CSMD1: variants seen among roughly 807,000 people sequenced by gnomAD.
CSMD1 encodes CUB and Sushi multiple domains 1, also known as CUB and sushi domain-containing protein 1.
A neutral mutation model predicts 417.5 loss-of-function variants in CSMD1; 213 were observed. The observed-to-expected ratio is 0.51, with a 90% CI of 0.46 to 0.57. CSMD1 has a LOEUF of 0.57. Among genes scored for constraint, CSMD1 ranks in the 20% least tolerant of loss-of-function variants. CSMD1 has a pLI of 0.00. For missense variants in CSMD1, 6,923 were observed against 4,529.7 expected, an observed-to-expected ratio of 1.53 and a Z score of -15.17; for synonymous variants, 2,862 against 1,736.8, an observed-to-expected ratio of 1.65 and a Z score of -16.11.
chr8:3,825,285 T>C (rs1801988979), intron 5 of CSMD1, among the ~76,000 whole-genome samples: 1 of 152,112 alleles, frequency 6.6e-6, no homozygotes, highest in African/African-American at 2.4e-5. Context: ...ATCTCAGCAC[T>C]TTGGGAGACC....
At chr8:4,173,348 G>C (rs1223428983) in intron 3 of CSMD1, among the ~76,000 whole-genome samples, 7 of 152,234 alleles carry the variant, frequency 4.6e-5, no homozygotes, top group East Asian at 3.9e-4. Flanking sequence ...CAGATATTCA[G>C]TATGTGGTGA....
chr8:3,817,875 C>A (rs1278531067), intron 5 of CSMD1, among the ~76,000 whole-genome samples: 2 of 152,182 alleles, frequency 1.3e-5, no homozygotes, highest in Non-Finnish European at 2.9e-5. Context: ...CGGCTTCACA[C>A]TAAGGACATT....
chr8:4,667,620 A>G (rs913035517), intron 1 of CSMD1, among the ~76,000 whole-genome samples: 11 of 152,120 alleles, frequency 7.2e-5, no homozygotes, highest in African/African-American at 2.4e-4. Context: ...TTGGAACGCT[A>G]TTGCATATGG....
intron 2 of CSMD1, among the ~76,000 whole-genome samples, chr8:4,494,075 G>A (rs1312538002): frequency 6.6e-6 from 1 of 152,134 alleles, no homozygotes; most frequent in Non-Finnish European, 1.5e-5. Context: ...CCTATCTAGT[G>A]GACAACACAA....
chr8:2,986,911 CA>C (rs1453515674), intron 54 of CSMD1, among the ~76,000 whole-genome samples: 3 of 149,522 alleles, frequency 2.0e-5, no homozygotes, highest in Non-Finnish European at 4.4e-5. Flanking sequence ...ACAGCAATAG[CA>C]AAAACCGCAA....
At chr8:3,544,142 G>T (rs748685814) in intron 10 of CSMD1, among the ~76,000 whole-genome samples, 3 of 152,076 alleles carry the variant, frequency 2.0e-5, no homozygotes, top group East Asian at 3.9e-4. Flanking sequence ...GGACGTGCTG[G>T]GCTGCATCCC....
At chr8:4,117,032 G>C (rs967745943) in intron 3 of CSMD1, among the ~76,000 whole-genome samples, 1 of 151,062 alleles carries the variant, frequency 6.6e-6, no homozygotes, top group East Asian at 1.9e-4. Context: ...TTTTCTTTTC[G>C]CAGTTTGGAA....
chr8:4,046,411 T>A (rs73183969), intron 3 of CSMD1, among the ~76,000 whole-genome samples: 235 of 152,326 alleles, frequency 1.5e-3, no homozygotes, highest in Middle Eastern at 6.8e-3. Flanking sequence ...ATTTTCATAT[T>A]CATTCAAACC....
intron 7 of CSMD1, among the ~76,000 whole-genome samples, chr8:3,681,711 A>C (rs2117610048): frequency 6.6e-6 from 1 of 152,278 alleles, no homozygotes; most frequent in East Asian, 1.9e-4. Flanking sequence ...ATGTGGAACC[A>C]AAAAAGAGCC....
At chr8:3,659,553 C>T (rs994337647) in intron 7 of CSMD1, among the ~76,000 whole-genome samples, 5 of 152,080 alleles carry the variant, frequency 3.3e-5, no homozygotes, top group South Asian at 2.1e-4. Flanking sequence ...TTCTTTTTTT[C>T]GGGGGGTTAT....
At chr8:3,798,903 A>G (rs998932359) in intron 5 of CSMD1, among the ~76,000 whole-genome samples, 9 of 152,058 alleles carry the variant, frequency 5.9e-5, no homozygotes, top group African/African-American at 1.9e-4. Flanking sequence ...TAGGTGCAAA[A>G]GAAGAAATGT....
intron 4 of CSMD1, among the ~76,000 whole-genome samples, chr8:4,021,050 G>A (rs951289865): frequency 2.6e-5 from 4 of 152,174 alleles, no homozygotes; most frequent in Admixed American, 2.0e-4. Context: ...AAAACCCAGT[G>A]ACAGCATCAG....
intron 3 of CSMD1, among the ~76,000 whole-genome samples, chr8:4,209,124 C>A (rs1423439097): frequency 1.3e-5 from 2 of 152,190 alleles, no homozygotes; most frequent in African/African-American, 2.4e-5. Flanking sequence ...GTTAACACAT[C>A]TTCATGATTT....
At chr8:4,833,336 G>C (rs1409288197) in intron 1 of CSMD1, among the ~76,000 whole-genome samples, 2 of 152,262 alleles carry the variant, frequency 1.3e-5, no homozygotes, top group Non-Finnish European at 1.5e-5. Flanking sequence ...GGCAGCAGAA[G>C]ACAATGGTGA....
At chr8:4,072,272 C>T (rs991647872) in intron 3 of CSMD1, among the ~76,000 whole-genome samples, 1 of 152,072 alleles carries the variant, frequency 6.6e-6, no homozygotes, top group Non-Finnish European at 1.5e-5. Flanking sequence ...TTTGGCCATC[C>T]TGAATTGCAC....
intron 5 of CSMD1, among the ~76,000 whole-genome samples, chr8:3,797,568 A>G (rs1429425112): frequency 4.6e-5 from 7 of 151,846 alleles, no homozygotes; most frequent in Non-Finnish European, 8.8e-5. Context: ...ACAATATAAT[A>G]TTTTCAAGAT....
At chr8:3,085,161 A>G (rs1814432582) in intron 49 of CSMD1, among the ~76,000 whole-genome samples, 1 of 152,162 alleles carries the variant, frequency 6.6e-6, no homozygotes, top group Non-Finnish European at 1.5e-5. Context: ...CTAGATCAAC[A>G]TTTTTATGAT....
intron 3 of CSMD1, among the ~76,000 whole-genome samples, chr8:4,104,306 A>G (rs1801453852): frequency 6.6e-6 from 1 of 152,262 alleles, no homozygotes; most frequent in African/African-American, 2.4e-5. Flanking sequence ...ATGTGCAAGG[A>G]TTGGTGTTCT....
At chr8:3,326,734 G>A (rs769215879) in intron 23 of CSMD1, among the ~76,000 whole-genome samples, 3 of 152,138 alleles carry the variant, frequency 2.0e-5, no homozygotes, top group Non-Finnish European at 4.4e-5. Flanking sequence ...TATTGGAATT[G>A]CTTAGACTGC....
Sources: allele counts gnomAD v4.1 joint callset (sites outside exome capture counted in the v4.1 genomes callset), GRCh38; gene constraint gnomAD v4.1.1; transcripts MANE v1.5; gene names NCBI Gene and HGNC (gene_info 2026-07-23, HGNC 2026-07-21).